The following SKAP2 variants were observed in gnomAD, a reference collection of about 807,000 sequenced individuals.
The protein encoded by SKAP2 is src kinase-associated phosphoprotein 2.
In SKAP2, 28 loss-of-function variants were observed where a neutral mutation model predicts 54.9. The ratio of observed to expected loss-of-function variants is 0.51; its 90% confidence interval spans 0.38 to 0.70. The LOEUF (loss-of-function observed/expected upper bound fraction) is 0.70. Ranked by LOEUF, SKAP2 falls within the 30% of genes least tolerant of loss-of-function variation. The probability of loss-of-function intolerance (pLI) is 0.00; values close to 1 mark genes in which losing one functional copy is unlikely to be tolerated. For missense variants in SKAP2, 356 were observed against 424.1 expected (o/e 0.84, Z 1.41); for synonymous variants, 137 against 134.3 (o/e 1.02, Z -0.14).
intron 6 of SKAP2, among the ~76,000 whole-genome samples, chr7:26,736,376 G>A (rs1387440041): frequency 1.3e-5 from 2 of 152,184 alleles, no homozygotes; most frequent in African/African-American, 4.8e-5. Context: ...ACTCCTACCA[G>A]TGCCATGATA....
At chr7:26,828,560 C>T (rs1265127810) in intron 4 of SKAP2, among the ~76,000 whole-genome samples, 2 of 151,224 alleles carry the variant, frequency 1.3e-5, no homozygotes, top group East Asian at 2.0e-4. Flanking sequence ...GCCTGTAGTC[C>T]CAGCTACTCG....
At chr7:26,792,946 T>G (rs115340558) in intron 4 of SKAP2, among the ~76,000 whole-genome samples, 1,679 of 152,344 alleles carry the variant, frequency 0.011, 32 homozygotes, top group African/African-American at 0.039. Context: ...ATCAATACAT[T>G]GCAGAAATAA....
chr7:26,727,995 T>C, intron 6 of SKAP2, among the ~76,000 whole-genome samples: 1 of 152,138 alleles, frequency 6.6e-6, no homozygotes, highest in South Asian at 2.1e-4. Flanking sequence ...AAGATACATC[T>C]CCTTTTCTTA....
At chr7:26,696,248 T>C (rs986004288) in intron 9 of SKAP2, among the ~76,000 whole-genome samples, 1 of 152,208 alleles carries the variant, frequency 6.6e-6, no homozygotes, top group East Asian at 1.9e-4. Flanking sequence ...TAAAAAGATA[T>C]AAGCATGTGC....
At chr7:26,843,527 T>C (rs1784859536) in intron 4 of SKAP2, among the ~76,000 whole-genome samples, 1 of 151,982 alleles carries the variant, frequency 6.6e-6, no homozygotes, top group Non-Finnish European at 1.5e-5. Flanking sequence ...CACTTTTAAG[T>C]GACAATATAA....
At chr7:26,727,855 G>A (rs1176028916) in intron 6 of SKAP2, among the ~76,000 whole-genome samples, 1 of 152,050 alleles carries the variant, frequency 6.6e-6, no homozygotes, top group South Asian at 2.1e-4. Flanking sequence ...TACAGCTATA[G>A]GTTTATTTCC....
At chr7:26,727,891 A>G (rs1265034376) in intron 6 of SKAP2, among the ~76,000 whole-genome samples, 1 of 152,296 alleles carries the variant, frequency 6.6e-6, no homozygotes, top group East Asian at 1.9e-4. Flanking sequence ...TATTAAAACC[A>G]TGAGTAGGGA....
intron 4 of SKAP2, among the ~76,000 whole-genome samples, chr7:26,784,023 G>T (rs1562609001): frequency 6.7e-6 from 1 of 149,774 alleles, no homozygotes; most frequent in South Asian, 2.1e-4. Flanking sequence ...GACTAAAGTA[G>T]AGCATTAAAA....
the SKAP2 span, among the ~76,000 whole-genome samples, chr7:26,656,120 T>C: frequency 3.1e-4 from 47 of 152,310 alleles, no homozygotes; most frequent in South Asian, 2.1e-3. Flanking sequence ...CCCTTTGCCT[T>C]TGCTCAGTGT....
intron 6 of SKAP2, 92 bp downstream of exon 6, chr7:26,738,703 G>A (rs1782363817): frequency 1.5e-6 from 1 of 685,262 alleles, no homozygotes. Context: ...TTATTAGTTT[G>A]TCTTCAGTTT....
At chr7:26,721,550 G>T (rs1410251760) in intron 9 of SKAP2, among the ~76,000 whole-genome samples, 1 of 151,842 alleles carries the variant, frequency 6.6e-6, no homozygotes, top group African/African-American at 2.4e-5. Flanking sequence ...AAAAAAAAAT[G>T]AATTCACACT....
intron 9 of SKAP2, among the ~76,000 whole-genome samples, chr7:26,707,837 G>C (rs1201016601): frequency 6.6e-6 from 1 of 152,142 alleles, no homozygotes; most frequent in Non-Finnish European, 1.5e-5. Context: ...TCCAATGTGA[G>C]ATCCAAGTTT....
chr7:26,849,376 T>C (rs1584425589), intron 3 of SKAP2, among the ~76,000 whole-genome samples: 1 of 152,130 alleles, frequency 6.6e-6, no homozygotes, highest in Non-Finnish European at 1.5e-5. Context: ...TGAAGCAGTA[T>C]ATTCCCCTTT....
At position 26,670,149 on chromosome 7, in the gene SKAP2, G is replaced by A; in HGVS notation, c.1031C>T (p.Ala344Val). 5.0e-6 allele frequency: 8 copies of A among 1,584,350 alleles called. No individual in the cohort carries two copies. The highest frequency in any genetic ancestry group is 1.1e-5 in the South Asian group (1 of 90,394). Residue 344 changes from alanine (A) to valine (V), a missense_variant, in exon 12 of 13, where the codon GCC (alanine) becomes GTC (valine). Coordinates refer to ENST00000345317, the MANE Select transcript of SKAP2 (RefSeq NM_003930.5). ...GTAGGCTTTAGGCACCAAGCCAATG[G>A]CTCCCTTCATTTCTCCTACCCACCA... ...YGWWVGEMKGAIGLVPKAYIM... is the reference protein window; with the variant it reads ...YGWWVGEMKGVIGLVPKAYIM...
chr7:26,853,416 T>A (rs560205939), intron 3 of SKAP2, among the ~76,000 whole-genome samples: 10 of 152,210 alleles, frequency 6.6e-5, no homozygotes, highest in African/African-American at 2.4e-4. Context: ...ACACCCAGTT[T>A]CCCCTAAAGA....
At chr7:26,741,738 G>T (rs990186113) in intron 4 of SKAP2, among the ~76,000 whole-genome samples, 3 of 150,556 alleles carry the variant, frequency 2.0e-5, no homozygotes, top group African/African-American at 7.3e-5. Flanking sequence ...TGCCTATTGT[G>T]TACCCACAAA....
downstream of SKAP2, among the ~76,000 whole-genome samples, chr7:26,662,366 GT>G (rs2128081564): frequency 6.6e-6 from 1 of 152,178 alleles, no homozygotes; most frequent in South Asian, 2.1e-4. Flanking sequence ...TTCCCAGTTT[GT>G]TTCCCAGATA....
intron 3 of SKAP2, among the ~76,000 whole-genome samples, chr7:26,848,465 G>A (rs1490609796): frequency 6.6e-6 from 1 of 152,036 alleles, no homozygotes; most frequent in Non-Finnish European, 1.5e-5. Context: ...AAATTACAAG[G>A]TGTATATGAA....
intron 1 of SKAP2, among the ~76,000 whole-genome samples, chr7:26,855,542 A>C (rs1785144152): frequency 6.6e-6 from 1 of 152,084 alleles, no homozygotes; most frequent in African/African-American, 2.4e-5. Flanking sequence ...TGGTATTACC[A>C]CCTGAAATAT....
Sources: gnomAD v4.1 joint callset for allele counts (sites outside exome capture counted in the v4.1 genomes callset) on GRCh38, gnomAD v4.1.1 for gene constraint, MANE v1.5 for transcripts, NCBI Gene and HGNC (gene_info 2026-07-23, HGNC 2026-07-21) for gene names.